ATP1B1: variants seen among roughly 807,000 people sequenced by gnomAD.
ATP1B1 encodes the protein ATPase Na+/K+ transporting subunit beta 1.
ATP1B1 carries 3 observed loss-of-function variants against 39.6 expected under a neutral mutation model. The observed-to-expected ratio is 0.08, with a 90% CI of 0.03 to 0.20. The LOEUF is 0.20. Among genes scored for constraint, ATP1B1 ranks in the 10% least tolerant of loss-of-function variants. The pLI is 1.00. For missense variants in ATP1B1, 216 were observed against 371.1 expected, an observed-to-expected ratio of 0.58 and a Z score of 3.43; for synonymous variants, 139 against 135.0, an observed-to-expected ratio of 1.03 and a Z score of -0.20.
At chr1:169,114,735 C>T (rs1043092948) in intron 2 of ATP1B1, among the ~76,000 whole-genome samples, 8 of 152,092 alleles carry the variant, frequency 5.3e-5, no homozygotes, top group Admixed American at 2.6e-4. Context: ...CTTACAAAGT[C>T]GTGTTGCAGC....
Position 169,132,505 on chromosome 1 carries a change from T to A in ATP1B1, c.*950T>A. ...TTATTTTTTTCTGCAAGAAAAAGTG[T>A]AATGTATGAAATAAACCAAAGTCAC... On this transcript the variant is annotated 3_prime_UTR_variant, in exon 6 of 6. Coordinates refer to ENST00000367815, the MANE Select transcript of ATP1B1 (RefSeq NM_001677.4). 2.3e-6 allele frequency: 1 copy of A among 429,084 alleles called. No homozygotes were observed. The highest frequency in any genetic ancestry group is 8.0e-5 in the South Asian group (1 of 12,474). The allele number at this position is 429,084 out of a possible 1,614,324, so 26.6% of individuals were successfully genotyped here. A position where few individuals can be genotyped will look rare whatever the true frequency, so the allele number is the denominator to read the frequency against.
intron 2 of ATP1B1, among the ~76,000 whole-genome samples, chr1:169,114,131 GAGGACCCTCCTTGGCATTTTTCAATGCCA>G (rs3835441): frequency 0.14 from 21,149 of 147,702 alleles, 1,553 homozygotes; most frequent in Middle Eastern, 0.2. Flanking sequence ...TGTGTTGCCT[GAGGACCCTCCTTGGCATTTTTCAATGCCA>G]AGGACCCTCC....
At chr1:169,114,004 G>T (rs559880061) in intron 2 of ATP1B1, among the ~76,000 whole-genome samples, 10 of 152,026 alleles carry the variant, frequency 6.6e-5, no homozygotes, top group African/African-American at 2.2e-4. Flanking sequence ...ACATTCATAT[G>T]AAAATGACAG....
rs34447553 is a variant in ATP1B1 at position 169,132,019 on chromosome 1, A to ATTTTTTTTTTTTTTT, written c.*472_*486dup. On this transcript the variant is annotated 3_prime_UTR_variant, in exon 6 of 6. Coordinates refer to ENST00000367815, the MANE Select transcript of ATP1B1 (RefSeq NM_001677.4). ...CAACGGGAATAAAACTGGCATGGTAATTTTTTTTTTTTTTTTTTTTTTGTT... is the reference window on the plus strand; with the variant it reads ...CAACGGGAATAAAACTGGCATGGTAATTTTTTTTTTTTTTTTTTTTTTTTTTTTTTTTTTTTTGTT... 5.8e-5 allele frequency: 11 copies of ATTTTTTTTTTTTTTT among 190,944 alleles called. No individual in the cohort carries two copies. Among genetic ancestry groups the ATTTTTTTTTTTTTTT allele is most frequent in the South Asian group, 1.6e-4 (3 of 19,132 alleles). The allele number at this position is 190,944 out of a possible 1,614,324, so 11.8% of individuals were successfully genotyped here.
At chr1:169,110,706 G>A in intron 1 of ATP1B1, 1 of 1,278,954 alleles carries the variant, frequency 7.8e-7, no homozygotes, top group Middle Eastern at 2.1e-4. Context: ...ATTAAAATGT[G>A]CTGGTCATTT....
intron 2 of ATP1B1, among the ~76,000 whole-genome samples, chr1:169,115,181 A>G (rs1314930158): frequency 3.2e-5 from 4 of 124,108 alleles, no homozygotes; most frequent in African/African-American, 6.2e-5. Context: ...CGAAGACTCC[A>G]TCTCAAAAAA....
intron 1 of ATP1B1, among the ~76,000 whole-genome samples, chr1:169,110,942 T>C (rs188496407): frequency 6.6e-4 from 101 of 152,316 alleles, no homozygotes; most frequent in African/African-American, 2.2e-3. Flanking sequence ...TGTCAAGGGA[T>C]ATGCAAGCAA....
At chr1:169,129,466 T>C (rs1270893561) in intron 4 of ATP1B1, among the ~76,000 whole-genome samples, 1 of 152,194 alleles carries the variant, frequency 6.6e-6, no homozygotes, top group African/African-American at 2.4e-5. Context: ...TTTTTACATA[T>C]TGGACTTTCC....
At chr1:169,118,156 C>G (rs1435995755) in intron 2 of ATP1B1, among the ~76,000 whole-genome samples, 1 of 152,164 alleles carries the variant, frequency 6.6e-6, no homozygotes, top group Non-Finnish European at 1.5e-5. Flanking sequence ...GTCAACTGAA[C>G]TAAATAACTC....
chr1:169,117,675 C>T (rs1657881075), intron 2 of ATP1B1, among the ~76,000 whole-genome samples: 1 of 152,176 alleles, frequency 6.6e-6, no homozygotes, highest in Admixed American at 6.5e-5. Flanking sequence ...AGTAGCCTGA[C>T]AGGTCCACTT....
chr1:169,114,942 A>G (rs753967370), intron 2 of ATP1B1, among the ~76,000 whole-genome samples: 6 of 151,970 alleles, frequency 3.9e-5, no homozygotes, highest in Non-Finnish European at 8.8e-5. Context: ...CTGTAATCCC[A>G]GCACTTCCGA....
chr1:169,130,263 T>G (rs562955407), intron 5 of ATP1B1, among the ~76,000 whole-genome samples, 173 bp downstream of exon 5: 5 of 152,314 alleles, frequency 3.3e-5, no homozygotes, highest in Admixed American at 1.3e-4. Context: ...TAAAACTTTT[T>G]AAAAGAACAG....
intron 1 of ATP1B1, among the ~76,000 whole-genome samples, chr1:169,110,964 G>T (rs1657716434): frequency 6.6e-6 from 1 of 152,120 alleles, no homozygotes; most frequent in African/African-American, 2.4e-5. Flanking sequence ...GAAAACATAG[G>T]TCTCTAAGGG....
intron 2 of ATP1B1, among the ~76,000 whole-genome samples, chr1:169,121,280 C>G (rs1265383250): frequency 1.3e-5 from 2 of 152,152 alleles, no homozygotes; most frequent in African/African-American, 2.4e-5. Context: ...GAGGCACTTA[C>G]AAGAAAGATT....
chr1:169,107,828 G>T (rs1456853443), intron 1 of ATP1B1: 1 of 151,728 alleles, frequency 6.6e-6, no homozygotes, highest in Non-Finnish European at 1.5e-5. Context: ...TCGTGACTGC[G>T]TGAGGGAAGG....
chr1:169,127,144 G>A, intron 3 of ATP1B1, 80 bp from the exon 4 acceptor site: 1 of 1,420,190 alleles, frequency 7.0e-7, no homozygotes, highest in Non-Finnish European at 9.3e-7. Flanking sequence ...AGGTAACTAT[G>A]ACAAGGAAGA....
chr1:169,125,776 C>T (rs1658072733), intron 3 of ATP1B1, among the ~76,000 whole-genome samples: 2 of 152,200 alleles, frequency 1.3e-5, no homozygotes, highest in Admixed American at 1.3e-4. Flanking sequence ...GAGTTCGAGA[C>T]CAACCTGGGC....
intron 1 of ATP1B1, among the ~76,000 whole-genome samples, chr1:169,107,186 T>C (rs1571216862): frequency 6.6e-6 from 1 of 152,142 alleles, no homozygotes. Flanking sequence ...CTTGGCTTGG[T>C]AATTTGCAGT....
At chr1:169,112,777 C>G (rs899969417) in intron 2 of ATP1B1, among the ~76,000 whole-genome samples, 1 of 152,090 alleles carries the variant, frequency 6.6e-6, no homozygotes, top group African/African-American at 2.4e-5. Context: ...AAAAAAATCA[C>G]GTAAGTAAAT....
Sources: allele counts gnomAD v4.1 joint callset (sites outside exome capture counted in the v4.1 genomes callset), GRCh38; gene constraint gnomAD v4.1.1; transcripts MANE v1.5; gene names NCBI Gene and HGNC (gene_info 2026-07-23, HGNC 2026-07-21).